The following CTNNA2 variants were observed in gnomAD, a reference collection of about 807,000 sequenced individuals.
CTNNA2 encodes the protein catenin alpha-2.
Under a neutral mutation model 101.0 loss-of-function variants are expected in CTNNA2, and 42 were observed. The ratio of observed to expected loss-of-function variants is 0.42; its 90% CI spans 0.32 to 0.54. The LOEUF (loss-of-function observed/expected upper bound fraction) is 0.54. CTNNA2 is among the 20% of genes least tolerant of loss of function. CTNNA2 has a pLI of 0.14. For synonymous variants in CTNNA2, 450 were observed against 456.4 expected, an observed-to-expected ratio of 0.99 and a Z score of 0.18; for missense variants, 871 against 1,223.1, an observed-to-expected ratio of 0.71 and a Z score of 4.29.
chr2:79,415,219 T>A (rs1444332619), intron 4 of CTNNA2, among the ~76,000 whole-genome samples: 1 of 152,088 alleles, frequency 6.6e-6, no homozygotes, highest in African/African-American at 2.4e-5. Flanking sequence ...GAGATCTGGT[T>A]GTTTAAAAGA....
intron 2 of CTNNA2, among the ~76,000 whole-genome samples, chr2:79,290,774 C>T (rs1330505829): frequency 6.6e-6 from 1 of 152,144 alleles, no homozygotes; most frequent in Non-Finnish European, 1.5e-5. Context: ...CTGCTGAGGG[C>T]TTTTTCCACT....
At chr2:79,406,622 T>A (rs1034131653) in intron 4 of CTNNA2, among the ~76,000 whole-genome samples, 1 of 152,050 alleles carries the variant, frequency 6.6e-6, no homozygotes. Flanking sequence ...ATAAATCATG[T>A]TGACAAGGAG....
chr2:79,857,441 A>T (rs372776257), intron 3 of CTNNA2, among the ~76,000 whole-genome samples: 21 of 152,206 alleles, frequency 1.4e-4, no homozygotes, highest in East Asian at 1.3e-3. Context: ...TTTAGTAAAC[A>T]TTTGTTTAAT....
chr2:79,395,219 G>T (rs369402151), intron 4 of CTNNA2, among the ~76,000 whole-genome samples: 2 of 151,902 alleles, frequency 1.3e-5, no homozygotes, highest in African/African-American at 2.4e-5. Context: ...TTTCTTTGTC[G>T]TGAAAATATT....
At chr2:80,479,370 G>T (rs552386982) in intron 9 of CTNNA2, among the ~76,000 whole-genome samples, 1 of 152,058 alleles carries the variant, frequency 6.6e-6, no homozygotes, top group Non-Finnish European at 1.5e-5. Context: ...TAAAGACTAG[G>T]GTGCTGCTAA....
chr2:79,281,044 AC>A (rs919838080), intron 2 of CTNNA2, among the ~76,000 whole-genome samples: 22 of 151,570 alleles, frequency 1.5e-4, no homozygotes, highest in Non-Finnish European at 2.9e-4. Flanking sequence ...TTGCTGTCCT[AC>A]CCCCCACATC....
At chr2:80,229,505 T>C (rs1364352310) in intron 7 of CTNNA2, among the ~76,000 whole-genome samples, 1 of 151,694 alleles carries the variant, frequency 6.6e-6, no homozygotes. Flanking sequence ...ATGGAAGAGA[T>C]GCCAAGGCAA....
intron 2 of CTNNA2, among the ~76,000 whole-genome samples, chr2:79,664,729 T>A (rs1455277203): frequency 2.5e-5 from 3 of 119,490 alleles, no homozygotes; most frequent in South Asian, 3.4e-4. Context: ...TTTTTTTTTT[T>A]TTGAGACGGA....
intron 7 of CTNNA2, among the ~76,000 whole-genome samples, chr2:80,019,939 TCTAAGGCACTC>T (rs1235270049): frequency 2.0e-5 from 3 of 152,162 alleles, no homozygotes; most frequent in African/African-American, 7.2e-5. Flanking sequence ...GTTTTTATCC[TCTAAGGCACTC>T]CTTATTTCCT....
At chr2:80,471,951 C>T (rs1430122859) in intron 9 of CTNNA2, among the ~76,000 whole-genome samples, 1 of 152,012 alleles carries the variant, frequency 6.6e-6, no homozygotes, top group Non-Finnish European at 1.5e-5. Context: ...TGTGGCGAAA[C>T]CCCATCTCTA....
intron 7 of CTNNA2, among the ~76,000 whole-genome samples, chr2:80,385,447 T>C (rs1237535035): frequency 6.6e-6 from 1 of 152,242 alleles, no homozygotes; most frequent in East Asian, 1.9e-4. Flanking sequence ...CTGCCAATGC[T>C]TTAATCTAGG....
At chr2:79,895,910 T>A (rs910680210) in intron 6 of CTNNA2, among the ~76,000 whole-genome samples, 1 of 152,144 alleles carries the variant, frequency 6.6e-6, no homozygotes, top group Non-Finnish European at 1.5e-5. Flanking sequence ...TGACCCTGGC[T>A]TAATCAAATC....
At chr2:79,436,601 G>T (rs955116551) in intron 4 of CTNNA2, among the ~76,000 whole-genome samples, 2 of 151,938 alleles carry the variant, frequency 1.3e-5, no homozygotes, top group Admixed American at 6.6e-5. Flanking sequence ...CTGGTTTAAA[G>T]AATCGGTAAC....
At chr2:79,218,860 A>C (rs1263121877) in intron 2 of CTNNA2, among the ~76,000 whole-genome samples, 1 of 152,220 alleles carries the variant, frequency 6.6e-6, no homozygotes, top group Non-Finnish European at 1.5e-5. Flanking sequence ...TACTGTTTTT[A>C]TGGCAATTTT....
intron 2 of CTNNA2, among the ~76,000 whole-genome samples, chr2:79,699,366 T>G (rs1385260512): frequency 1.3e-5 from 2 of 152,086 alleles, no homozygotes; most frequent in African/African-American, 4.8e-5. Context: ...TGTTTTTTGT[T>G]TTAAGGAATA....
At chr2:79,353,099 C>A (rs1198526898) in intron 3 of CTNNA2, among the ~76,000 whole-genome samples, 1 of 152,182 alleles carries the variant, frequency 6.6e-6, no homozygotes. Context: ...ACGTCCAACA[C>A]TGGATTGCAA....
At chr2:79,842,706 G>GT (rs148057763) in intron 3 of CTNNA2, among the ~76,000 whole-genome samples, 81 of 149,226 alleles carry the variant, frequency 5.4e-4, no homozygotes, top group Middle Eastern at 3.4e-3. Flanking sequence ...TTGGGTGTGT[G>GT]TTTTTTTTTT....
At chr2:79,955,637 G>C (rs1281651550) in intron 7 of CTNNA2, among the ~76,000 whole-genome samples, 1 of 152,172 alleles carries the variant, frequency 6.6e-6, no homozygotes, top group Non-Finnish European at 1.5e-5. Context: ...TGACCTTCCA[G>C]GCTTAAGTGA....
intron 7 of CTNNA2, among the ~76,000 whole-genome samples, chr2:80,182,408 C>G (rs1705841703): frequency 6.6e-6 from 1 of 152,206 alleles, no homozygotes. Flanking sequence ...GTCTGCCTCT[C>G]CCAGTCCACT....
Sources: gnomAD v4.1 joint callset for allele counts (sites outside exome capture counted in the v4.1 genomes callset) on GRCh38, gnomAD v4.1.1 for gene constraint, MANE v1.5 for transcripts, NCBI Gene and HGNC (gene_info 2026-07-23, HGNC 2026-07-21) for gene names.